CFAP299: variants seen among roughly 807,000 people sequenced by gnomAD.
CFAP299 encodes the protein cilia- and flagella-associated protein 299.
Under a neutral mutation model 27.0 loss-of-function variants are expected in CFAP299, and 21 were observed. That is an observed-to-expected ratio of 0.78 (90% CI 0.55 to 1.12). The LOEUF is 1.12. CFAP299 is among the 50% of genes most tolerant of loss of function. The probability of loss-of-function intolerance (pLI) is 0.00; values close to 1 mark genes in which losing one functional copy is unlikely to be tolerated. For synonymous variants in CFAP299, 104 were observed against 98.1 expected (o/e 1.06, Z -0.36); for missense variants, 310 against 276.6 (o/e 1.12, Z -0.86).
intron 5 of CFAP299, among the ~76,000 whole-genome samples, chr4:80,955,792 A>G (rs1738035630): frequency 6.6e-6 from 1 of 152,120 alleles, no homozygotes; most frequent in Non-Finnish European, 1.5e-5. Flanking sequence ...ACCTGATGTC[A>G]AGAGTTAGAG....
chr4:80,844,584 C>T (rs1207961913), intron 3 of CFAP299, among the ~76,000 whole-genome samples: 3 of 151,924 alleles, frequency 2.0e-5, no homozygotes, highest in Non-Finnish European at 4.4e-5. Flanking sequence ...ATCCTTCGCC[C>T]ACTTTTTGAT....
intron 3 of CFAP299, among the ~76,000 whole-genome samples, chr4:80,837,774 G>A (rs1213235761): frequency 1.3e-5 from 2 of 152,096 alleles, no homozygotes; most frequent in East Asian, 1.9e-4. Flanking sequence ...ATAGTAGAAT[G>A]GGTAAATACC....
At chr4:80,661,555 C>T (rs1468460280) in intron 3 of CFAP299, among the ~76,000 whole-genome samples, 1 of 152,126 alleles carries the variant, frequency 6.6e-6, no homozygotes, top group Non-Finnish European at 1.5e-5. Context: ...CTTGTGATTT[C>T]CTATGCCTAT....
intron 3 of CFAP299, among the ~76,000 whole-genome samples, chr4:80,845,293 T>A (rs1348140624): frequency 8.0e-5 from 12 of 150,810 alleles, no homozygotes; most frequent in East Asian, 2.0e-4. Flanking sequence ...TTTTTTTTTT[T>A]AAAAGACCGT....
chr4:80,751,133 T>G (rs904735868), intron 3 of CFAP299, among the ~76,000 whole-genome samples: 2 of 152,182 alleles, frequency 1.3e-5, no homozygotes, highest in African/African-American at 4.8e-5. Context: ...GCATTGATTC[T>G]TATCTTTGTG....
intron 3 of CFAP299, among the ~76,000 whole-genome samples, chr4:80,654,288 A>G (rs1197773119): frequency 6.6e-6 from 1 of 152,094 alleles, no homozygotes; most frequent in African/African-American, 2.4e-5. Flanking sequence ...GGCACCTGGG[A>G]GTTTTACTCA....
In CFAP299 at chr4:80,519,981, T is replaced by G. The variant is rs140891625; in HGVS notation, c.243-63112T>G. Among the ~76,000 whole-genome samples the G allele has an allele frequency of 3.5e-3, 535 of 152,280 alleles. 4 individuals carry two copies. The highest frequency in any genetic ancestry group is 0.012 in the African/African-American group (502 of 41,564). ...GAATTGCAGTTAGTGAAGGTCAGGA[T>G]GGGCTAGGACAAAGAGAGCTATACA... is the stretch of plus-strand genomic sequence containing the variant. On this transcript the variant is annotated intron_variant, in intron 2 of 5. Transcript: ENST00000358105.
intron 3 of CFAP299, among the ~76,000 whole-genome samples, chr4:80,849,619 AAATC>A (rs750812523): frequency 1.2e-4 from 19 of 152,180 alleles, no homozygotes; most frequent in Non-Finnish European, 2.2e-4. Flanking sequence ...GGTACATAGA[AAATC>A]AAGAGAGTAA....
chr4:80,447,345 C>T (rs1343247710), intron 2 of CFAP299, among the ~76,000 whole-genome samples: 57 of 151,050 alleles, frequency 3.8e-4, no homozygotes, highest in African/African-American at 1.3e-3. Context: ...CCGTTTTAGC[C>T]GGGATGGTCT....
intron 5 of CFAP299, among the ~76,000 whole-genome samples, chr4:80,950,258 C>A (rs538847571): frequency 1.1e-3 from 160 of 151,762 alleles, no homozygotes; most frequent in Non-Finnish European, 1.1e-3. Context: ...CCTCCACCCC[C>A]CCCCTTTCTC....
At chr4:80,479,016 A>T (rs1484659073) in intron 2 of CFAP299, among the ~76,000 whole-genome samples, 1 of 152,028 alleles carries the variant, frequency 6.6e-6, no homozygotes, top group Non-Finnish European at 1.5e-5. Context: ...TTTTTAAAAG[A>T]TTAATTCCGT....
chr4:80,526,673 G>T (rs1026698194), intron 2 of CFAP299, among the ~76,000 whole-genome samples: 5 of 152,104 alleles, frequency 3.3e-5, no homozygotes, highest in African/African-American at 1.2e-4. Context: ...TTATTTCAGT[G>T]TGTAAGGTTA....
intron 3 of CFAP299, among the ~76,000 whole-genome samples, chr4:80,851,206 G>A (rs1731502554): frequency 6.6e-6 from 1 of 152,126 alleles, no homozygotes; most frequent in African/African-American, 2.4e-5. Context: ...GTCTGGCCAA[G>A]CTAAGGAGCA....
chr4:80,772,288 AAG>A (rs1213918940), intron 3 of CFAP299, among the ~76,000 whole-genome samples: 1 of 152,174 alleles, frequency 6.6e-6, no homozygotes, highest in African/African-American at 2.4e-5. Flanking sequence ...AAAATATGTC[AAG>A]AGTTGCCAGA....
rs188676447 is a variant in CFAP299, at chr4:80,599,706, G to T, written c.333+16523G>T. On this transcript the variant is annotated intron_variant, in intron 3 of 5. Transcript: ENST00000358105. ...CATTGTTACAAATTTCACATAAAAT[G>T]AGGGCCTGCTTCTCCTGATCTTGTA... Among the ~76,000 whole-genome samples the T allele has an allele frequency of 1.1e-3, 163 of 152,154 alleles. 1 individual carries two copies. The highest frequency in any genetic ancestry group is 5.4e-4 in the Non-Finnish European group (37 of 67,962).
At chr4:80,848,478 A>G (rs1443471256) in intron 3 of CFAP299, among the ~76,000 whole-genome samples, 1 of 152,170 alleles carries the variant, frequency 6.6e-6, no homozygotes, top group Non-Finnish European at 1.5e-5. Context: ...AGTGGTAAGT[A>G]TTTGTGTATC....
At chr4:80,522,506 A>T (rs970517624) in intron 2 of CFAP299, among the ~76,000 whole-genome samples, 1 of 151,888 alleles carries the variant, frequency 6.6e-6, no homozygotes, top group Non-Finnish European at 1.5e-5. Context: ...TTTTAATTTG[A>T]TGTATTCTCA....
intron 3 of CFAP299, among the ~76,000 whole-genome samples, chr4:80,748,978 A>C (rs1286056723): frequency 6.6e-6 from 1 of 151,818 alleles, no homozygotes; most frequent in Non-Finnish European, 1.5e-5. Flanking sequence ...CTCTCTATTT[A>C]CTCTCTGAAC....
intron 4 of CFAP299, among the ~76,000 whole-genome samples, chr4:80,898,287 G>A (rs953800222): frequency 1.3e-4 from 20 of 151,898 alleles, no homozygotes; most frequent in African/African-American, 4.8e-4. Flanking sequence ...AAGGGGATGG[G>A]GCAGGATGGC....
Sources: gnomAD v4.1 joint callset for allele counts (sites outside exome capture counted in the v4.1 genomes callset) on GRCh38, gnomAD v4.1.1 for gene constraint, MANE v1.5 for transcripts, NCBI Gene and HGNC (gene_info 2026-07-23, HGNC 2026-07-21) for gene names.